The following ADCY4 variants were observed in gnomAD, a reference collection of about 807,000 sequenced individuals.
The protein encoded by ADCY4 is adenylate cyclase type 4.
Under a neutral mutation model 125.5 loss-of-function variants are expected in ADCY4, and 111 were observed. The observed-to-expected ratio is 0.88, with a 90% CI of 0.76 to 1.04. ADCY4 has a LOEUF of 1.04. Ranked by LOEUF, ADCY4 falls within the 50% of genes least tolerant of loss-of-function variation. The pLI, the probability that ADCY4 is intolerant of heterozygous loss-of-function variation, is 0.00. For synonymous variants in ADCY4, 576 were observed against 586.9 expected, an observed-to-expected ratio of 0.98 and a Z score of 0.27; for missense variants, 1,256 against 1,382.9, an observed-to-expected ratio of 0.91 and a Z score of 1.46.
intron 4 of ADCY4, 140 bp from the exon 5 acceptor site, chr14:24,331,496 C>CGGG: frequency 8.5e-7 from 1 of 1,183,044 alleles, no homozygotes; most frequent in Non-Finnish European, 1.2e-6. Flanking sequence ...CTGCACACAG[C>CGGG]AGGGCCCCAG....
In ADCY4 at chr14:24,318,579, AG is replaced by A; in HGVS notation, c.3082-12del. ...TGTCTCCTCAGTCACCTACAATTGGAGGGGGGCGAGGGAATATGGAGGTGGC... is the reference window on the plus strand; with the variant it reads ...TGTCTCCTCAGTCACCTACAATTGGAGGGGGCGAGGGAATATGGAGGTGGC... On this transcript the variant is annotated splice_polypyrimidine_tract_variant and intron_variant, in intron 24 of 24. Transcript: ENST00000418030. The A allele has an allele frequency of 1.9e-6, 3 of 1,613,956 alleles. No homozygotes were observed. Among genetic ancestry groups the A allele is most frequent in the Non-Finnish European group, 2.5e-6 (3 of 1,179,964 alleles).
At chr14:24,326,025 CCA>C (rs3841475) in intron 12 of ADCY4, 52 bp downstream of exon 12, 1,313,285 of 1,577,010 alleles carry the variant, frequency 0.83, 557,678 homozygotes, top group Non-Finnish European at 0.88. Context: ...CATCCCTTCT[CCA>C]CCATATGACC....
Position 24,332,777 on chromosome 14 carries a change from G to T in ADCY4, c.357+14C>A. On this transcript the variant is annotated intron_variant, in intron 2 of 24. Transcript: ENST00000418030. ...CCGGGCCGTCCCCGCTGCCCCGCCT[G>T]CCGCCCCTCTCACCTGGTCCCAGGC... 4.6e-6 allele frequency: 7 copies of T among 1,538,326 alleles called. No individual in the cohort carries two copies. Among genetic ancestry groups the T allele is most frequent in the Non-Finnish European group, 6.2e-6 (7 of 1,137,572 alleles).
At chr14:24,329,740 T>G in intron 8 of ADCY4, 120 bp downstream of exon 8, 2 of 1,473,996 alleles carry the variant, frequency 1.4e-6, no homozygotes, top group Middle Eastern at 2.5e-4. Context: ...CCAAGCCCCA[T>G]ATGGGACTTA....
rs1241713158 is a variant in ADCY4 at position 24,319,905 on chromosome 14, CTGGAG to C, written c.2587-22_2587-18del. 1 of 1,611,672 alleles carries C rather than the reference CTGGAG, an allele frequency of 6.2e-7. No individual in the cohort carries two copies. Among genetic ancestry groups the C allele is most frequent in the Non-Finnish European group, 8.5e-7 (1 of 1,179,744 alleles). On this transcript the variant is annotated intron_variant, in intron 20 of 24. Transcript: ENST00000418030. This position sits in a 1 kb window ranked among gnomAD's most constrained non-coding sequence, Gnocchi z 4.5. Reference sequence around the variant, plus strand: ...GTAGAGATCCTGGGGGAACAGGAGACTGGAGTGAGGGGTGTGTGTCATGTTCCTCT... The same window carrying C: ...GTAGAGATCCTGGGGGAACAGGAGACTGAGGGGTGTGTGTCATGTTCCTCT...
intron 14 of ADCY4, 124 bp downstream of exon 14, chr14:24,325,253 C>T (rs1795711417): frequency 1.4e-6 from 1 of 713,798 alleles, no homozygotes; most frequent in Non-Finnish European, 2.4e-6. Flanking sequence ...ACACATGTTT[C>T]CTCTGTGGGT....
In ADCY4 at chr14:24,329,885, G is replaced by T; in HGVS notation, c.1192C>A (p.His398Asn). The T allele has an allele frequency of 6.2e-7, 1 of 1,614,016 alleles. No individual in the cohort carries two copies. The highest frequency in any genetic ancestry group is 8.5e-7 in the Non-Finnish European group (1 of 1,179,958). The stretch of plus-strand genomic sequence containing the variant: ...CCTGGTACACCGCCTGCCTCCATGT[G>T]GTTAGCCAGTGTGACATCATGTGAC... ...VWSHDVTLAN[H>N]MEAGGVPGRV... The change falls in exon 8 of 25, where the codon CAC becomes AAC. Residue 398 changes from histidine (H) to asparagine (N), a missense_variant. Transcript: ENST00000418030.
Position 24,334,410 on chromosome 14 carries a change from C to T in ADCY4, c.159+84G>A, listed in dbSNP as rs1594673272. 8 of 1,457,626 alleles carry T rather than the reference C, an allele frequency of 5.5e-6. No homozygotes were observed. The African/African-American group carries it at 8.6e-5, about 16-fold the overall frequency. The allele number at this position is 1,457,626 out of a possible 1,614,324, so 90.3% of individuals were successfully genotyped here. A position where few individuals can be genotyped will look rare whatever the true frequency, so the allele number is the denominator to read the frequency against. On this transcript the variant is annotated intron_variant, in intron 1 of 24. Transcript: ENST00000418030. ...CTTTCTCTGCTCCCAGCAACGAAAA[C>T]ACATCGAAAAGAAGACCCCACAAAC...
chr14:24,331,205 T>A lies in ADCY4; in HGVS notation c.818+3A>T. 1 of 1,614,154 alleles carries A rather than the reference T, an allele frequency of 6.2e-7. No homozygotes were observed. Among genetic ancestry groups the A allele is most frequent in the Non-Finnish European group, 8.5e-7 (1 of 1,179,994 alleles). On this transcript the variant is annotated splice_donor_region_variant and intron_variant, in intron 5 of 24. Transcript: ENST00000418030. ...CCTCCCCTCCAGCCATTCTTCCTCA[T>A]ACCTGACTCCCTGGTGCCTCTTGAC...
chr14:24,332,455 C>T (rs1009788530), intron 3 of ADCY4, 67 bp downstream of exon 3: 9 of 1,509,512 alleles, frequency 6.0e-6, no homozygotes, highest in Non-Finnish European at 7.1e-6. Context: ...CAACAACCCC[C>T]TAAAAGGAGC....
Position 24,334,550 on chromosome 14 carries a change from C to CCAGCAGCAG in ADCY4, c.94_102dup (p.Leu32_Leu34dup). 9 of 1,582,822 alleles carry CCAGCAGCAG rather than the reference C, an allele frequency of 5.7e-6. No homozygotes were observed. Among genetic ancestry groups the CCAGCAGCAG allele is most frequent in the Non-Finnish European group, 7.7e-6 (9 of 1,168,490 alleles). The stretch of plus-strand genomic sequence containing the variant: ...GCCGCGAGCGCACAGAGCACGATCC[C>CCAGCAGCAG]CAGCAGCAGCAGCAGCAGCGGGTAC... On this transcript the variant is annotated inframe_insertion, in exon 1 of 25. Transcript: ENST00000418030.
Position 24,331,376 on chromosome 14 carries a change from A to C in ADCY4, c.670-20T>G, listed in dbSNP as rs995106615. ...GTGTTCCTGGAAGAGGTCACCATGA[A>C]CACCAACTCTTCTGCACCCTAAAGC... is the stretch of plus-strand genomic sequence containing the variant. On this transcript the variant is annotated intron_variant, in intron 4 of 24. Coordinates refer to ENST00000418030, the MANE Select transcript of ADCY4 (RefSeq NM_001198568.2). 5 of 1,612,974 alleles carry C rather than the reference A, an allele frequency of 3.1e-6. No individual in the cohort carries two copies. The highest frequency in any genetic ancestry group is 4.2e-6 in the Non-Finnish European group (5 of 1,179,940).
chr14:24,326,003 C>T, intron 12 of ADCY4, 76 bp downstream of exon 12: 1 of 1,563,408 alleles, frequency 6.4e-7, no homozygotes, highest in East Asian at 2.3e-5. Flanking sequence ...CCTCCAGCCC[C>T]TCAGGGAGCA....
intron 20 of ADCY4, among the ~76,000 whole-genome samples, chr14:24,320,238 G>A (rs567917114): frequency 1.3e-5 from 2 of 152,062 alleles, no homozygotes; most frequent in East Asian, 3.8e-4. Context: ...CAAAACCAAG[G>A]GTAAAATGTG....
intron 19 of ADCY4, 26 bp downstream of exon 19, chr14:24,322,598 T>A (rs913129878): frequency 6.2e-7 from 1 of 1,612,302 alleles, no homozygotes; most frequent in South Asian, 1.1e-5. Context: ...AGGTGGGCCC[T>A]GGTGGGGCTG....
intron 4 of ADCY4, 35 bp from the exon 5 acceptor site, chr14:24,331,391 C>T (rs1355873890): frequency 6.2e-7 from 1 of 1,610,818 alleles, no homozygotes; most frequent in Non-Finnish European, 8.5e-7. Flanking sequence ...AACTCTTCTG[C>T]ACCCTAAAGC....
intron 1 of ADCY4, among the ~76,000 whole-genome samples, chr14:24,334,156 A>G (rs774411663): frequency 2.6e-5 from 4 of 152,206 alleles, no homozygotes; most frequent in Non-Finnish European, 4.4e-5. Flanking sequence ...AGAGAAAGGC[A>G]GGAAATGAAT....
At chr14:24,325,765 A>G (rs2139206667) in intron 13 of ADCY4, 53 bp downstream of exon 13, 1 of 1,559,534 alleles carries the variant, frequency 6.4e-7, no homozygotes, top group Non-Finnish European at 8.7e-7. Flanking sequence ...CCTCCCCAGC[A>G]CCAAGGAACT....
chr14:24,321,497 TAAA>T (rs759723199), intron 20 of ADCY4, among the ~76,000 whole-genome samples: 1 of 141,192 alleles, frequency 7.1e-6, no homozygotes, highest in Non-Finnish European at 1.6e-5. Context: ...AACTGTGTCT[TAAA>T]AAAAAAAAAA....
Sources: allele counts gnomAD v4.1 joint callset (sites outside exome capture counted in the v4.1 genomes callset), GRCh38; gene constraint gnomAD v4.1.1; non-coding constraint Gnocchi (gnomAD v3.1); transcripts MANE v1.5; gene names NCBI Gene and HGNC (gene_info 2026-07-23, HGNC 2026-07-21).